INPP4B: variants seen among roughly 807,000 people sequenced by gnomAD.
The protein encoded by INPP4B is inositol polyphosphate-4-phosphatase type II B.
Under a neutral mutation model 122.5 loss-of-function variants are expected in INPP4B, and 55 were observed. The observed-to-expected ratio is 0.45, with a 90% CI of 0.36 to 0.56. The LOEUF is 0.56. INPP4B is among the 20% of genes least tolerant of loss of function. The pLI, the probability that INPP4B is intolerant of heterozygous loss-of-function variation, is 0.00. For missense variants in INPP4B, 1,000 were observed against 1,097.7 expected (o/e 0.91, Z 1.26); for synonymous variants, 403 against 388.7 (o/e 1.04, Z -0.43).
intron 7 of INPP4B, among the ~76,000 whole-genome samples, chr4:142,337,745 T>C (rs903196121): frequency 2.3e-5 from 3 of 131,338 alleles, no homozygotes; most frequent in African/African-American, 8.1e-5. Context: ...TTTATATATA[T>C]TATATATTTT....
At chr4:142,351,054 G>T (rs2151807350) in intron 7 of INPP4B, among the ~76,000 whole-genome samples, 2 of 152,136 alleles carry the variant, frequency 1.3e-5, no homozygotes, top group South Asian at 4.1e-4. Context: ...CCAAGGAGCA[G>T]CTGCTCCTTC....
chr4:142,668,557 T>A (rs1262768049), intron 2 of INPP4B, among the ~76,000 whole-genome samples: 1 of 152,152 alleles, frequency 6.6e-6, no homozygotes, highest in African/African-American at 2.4e-5. Flanking sequence ...TAACTTAAAT[T>A]GTCCCTGTTT....
chr4:142,259,961 A>G (rs986023939), intron 11 of INPP4B, among the ~76,000 whole-genome samples: 1 of 152,126 alleles, frequency 6.6e-6, no homozygotes, highest in Non-Finnish European at 1.5e-5. Context: ...ACCAAATGTC[A>G]TTATGCAGCA....
intron 16 of INPP4B, among the ~76,000 whole-genome samples, chr4:142,170,461 GAC>G (rs919222599): frequency 6.6e-6 from 1 of 151,620 alleles, no homozygotes; most frequent in African/African-American, 2.4e-5. Flanking sequence ...GCAATCTGAA[GAC>G]ACAGTATACT....
intron 18 of INPP4B, among the ~76,000 whole-genome samples, chr4:142,136,414 T>C (rs1368959351): frequency 1.3e-5 from 2 of 152,190 alleles, no homozygotes; most frequent in Non-Finnish European, 2.9e-5. Flanking sequence ...ACTCAGAGCA[T>C]TAATCTCAGA....
chr4:142,257,163 T>G (rs9994997), intron 11 of INPP4B, among the ~76,000 whole-genome samples: 1,874 of 152,246 alleles, frequency 0.012, 44 homozygotes, highest in African/African-American at 0.042. Context: ...CAACCCTTCA[T>G]GCTAAAAACT....
chr4:142,631,272 G>T (rs79737589), intron 2 of INPP4B, among the ~76,000 whole-genome samples: 1 of 152,056 alleles, frequency 6.6e-6, no homozygotes, highest in Non-Finnish European at 1.5e-5. Flanking sequence ...GAAAATTCTA[G>T]AACTAGTAAG....
chr4:142,607,136 A>AAT (rs933702384), intron 2 of INPP4B, among the ~76,000 whole-genome samples: 1 of 151,912 alleles, frequency 6.6e-6, no homozygotes, highest in Non-Finnish European at 1.5e-5. Flanking sequence ...TTTTTGCATA[A>AAT]ATATATCCTC....
At chr4:142,224,516 A>G (rs1158014528) in intron 12 of INPP4B, among the ~76,000 whole-genome samples, 1 of 152,154 alleles carries the variant, frequency 6.6e-6, no homozygotes, top group East Asian at 1.9e-4. Flanking sequence ...TGCTTAGAAA[A>G]CCAATTCTAC....
intron 3 of INPP4B, among the ~76,000 whole-genome samples, chr4:142,441,435 A>G (rs1811701521): frequency 6.6e-6 from 1 of 152,178 alleles, no homozygotes; most frequent in Admixed American, 6.5e-5. Context: ...ATCAGGAGAG[A>G]ATAAAAGGAA....
chr4:142,194,646 C>A (rs1451388488), intron 14 of INPP4B, among the ~76,000 whole-genome samples: 2 of 152,126 alleles, frequency 1.3e-5, no homozygotes, highest in Non-Finnish European at 2.9e-5. Context: ...TTGTCTAAAA[C>A]CCCAAGGATT....
chr4:142,231,558 C>T (rs1854381068), intron 12 of INPP4B, among the ~76,000 whole-genome samples: 1 of 152,134 alleles, frequency 6.6e-6, no homozygotes, highest in South Asian at 2.1e-4. Flanking sequence ...TTAGACGTTT[C>T]TATATAACAT....
At chr4:142,412,427 C>T (rs1274002412) in intron 5 of INPP4B, among the ~76,000 whole-genome samples, 1 of 152,068 alleles carries the variant, frequency 6.6e-6, no homozygotes, top group African/African-American at 2.4e-5. Context: ...GCTCAGATCT[C>T]CTGAGTACAT....
intron 12 of INPP4B, among the ~76,000 whole-genome samples, chr4:142,221,016 G>A (rs766020915): frequency 4.6e-5 from 7 of 152,098 alleles, no homozygotes; most frequent in Non-Finnish European, 1.0e-4. Flanking sequence ...GGGCTTCAGC[G>A]TGTGAATTTG....
chr4:142,619,951 T>C (rs1744532088), intron 2 of INPP4B, among the ~76,000 whole-genome samples: 1 of 151,998 alleles, frequency 6.6e-6, no homozygotes, highest in Non-Finnish European at 1.5e-5. Flanking sequence ...TAAAACCAAG[T>C]AAGAGTAGTA....
At chr4:142,352,242 G>A (rs1264357832) in intron 7 of INPP4B, among the ~76,000 whole-genome samples, 1 of 151,912 alleles carries the variant, frequency 6.6e-6, no homozygotes, top group Non-Finnish European at 1.5e-5. Flanking sequence ...GCCTAATCAA[G>A]TTGAAGAAAG....
chr4:142,597,366 G>A (rs946124374), intron 2 of INPP4B, among the ~76,000 whole-genome samples: 2 of 152,210 alleles, frequency 1.3e-5, no homozygotes, highest in African/African-American at 4.8e-5. Flanking sequence ...TGGGGGTAGG[G>A]ATTAGGTGTT....
chr4:142,294,829 C>CAAAAAAAAA lies in INPP4B; in HGVS notation c.503+10620_503+10628dup, dbSNP rs57430432. On this transcript the variant is annotated intron_variant, in intron 9 of 25. Coordinates refer to ENST00000262992, the MANE Select transcript of INPP4B (RefSeq NM_001101669.3). ...CGGGCGACAGAGCGAGACTCCGTCT[C>CAAAAAAAAA]AAAAAAAAAAAAAAAAAAAAAAAAA... Among the ~76,000 whole-genome samples the CAAAAAAAAA allele has an allele frequency of 7.7e-4, 22 of 28,476 alleles. 5 individuals carry two copies. Among genetic ancestry groups the CAAAAAAAAA allele is most frequent in the East Asian group, 6.0e-3 (4 of 662 alleles). 18.7% of individuals were successfully genotyped at this position (28,476 alleles called of 152,430 possible).
chr4:142,819,554 A>G (rs1200242494), intron 1 of INPP4B, among the ~76,000 whole-genome samples: 2 of 152,146 alleles, frequency 1.3e-5, no homozygotes, highest in African/African-American at 4.8e-5. Flanking sequence ...ACAGCTATCT[A>G]CCAATCTGGG....
Sources: gnomAD v4.1 joint callset for allele counts (sites outside exome capture counted in the v4.1 genomes callset) on GRCh38, gnomAD v4.1.1 for gene constraint, MANE v1.5 for transcripts, NCBI Gene and HGNC (gene_info 2026-07-23, HGNC 2026-07-21) for gene names.